Variants in TMPRSS3 observed in about 807,000 individuals in gnomAD.
TMPRSS3 encodes the protein transmembrane serine protease 3.
TMPRSS3 carries 55 observed loss-of-function variants against 59.6 expected under a neutral mutation model. That is an observed-to-expected ratio of 0.92 (90% CI 0.74 to 1.16). TMPRSS3 has a LOEUF of 1.16. Ranked by LOEUF, TMPRSS3 falls within the 50% of genes most tolerant of loss-of-function variation. The pLI is 0.00. For missense variants in TMPRSS3, 596 were observed against 579.4 expected (o/e 1.03, Z -0.29); for synonymous variants, 257 against 237.7 (o/e 1.08, Z -0.75).
chr21:42,383,491 T>A, intron 7 of TMPRSS3: 2 of 551,582 alleles, frequency 3.6e-6, no homozygotes, highest in Non-Finnish European at 6.6e-6. Flanking sequence ...CCCCCAGTGA[T>A]GACAACACCC....
chr21:42,395,195 G>C, intron 2 of TMPRSS3, 129 bp downstream of exon 2: 1 of 782,698 alleles, frequency 1.3e-6, no homozygotes, highest in Non-Finnish European at 2.2e-6. Flanking sequence ...CTAGGGAAGT[G>C]CAGGTGTCCA....
rs1446737150 is a variant in TMPRSS3 at position 42,395,442 on chromosome 21, A to ATCCGGC, written c.-31_-26dup. On this transcript the variant is annotated 5_prime_UTR_variant, in exon 2 of 13. It adds an upstream start codon to the 5' untranslated region. Transcript: ENST00000644384. Reference sequence around the variant, plus strand: ...TGGTGACTATTTCAGGACCTCTGACATCCGGCTCCGCCTCCACCTCTACCT... The same window carrying ATCCGGC: ...TGGTGACTATTTCAGGACCTCTGACATCCGGCTCCGGCTCCGCCTCCACCTCTACCT... The ATCCGGC allele has an allele frequency of 3.1e-6, 5 of 1,602,414 alleles. No homozygotes were observed. The highest frequency in any genetic ancestry group is 4.3e-6 in the Non-Finnish European group (5 of 1,169,422).
chr21:42,389,220 A>G, intron 3 of TMPRSS3, 175 bp from the exon 4 acceptor site: 1 of 1,372,406 alleles, frequency 7.3e-7, no homozygotes, highest in Non-Finnish European at 9.9e-7. Flanking sequence ...TTGAATTCCA[A>G]GGGGTGGGGC....
intron 2 of TMPRSS3, among the ~76,000 whole-genome samples, chr21:42,390,837 A>G (rs2052724138): frequency 1.3e-5 from 2 of 152,214 alleles, no homozygotes; most frequent in Admixed American, 1.3e-4. Flanking sequence ...AGATGAAGGC[A>G]GAGATGGGAA....
At position 42,395,203 on chromosome 21, in the gene TMPRSS3, C is replaced by A. The variant is rs1311422197; in HGVS notation, c.94+121G>T. ...TGCAGATCTAGGGAAGTGCAGGTGT[C>A]CAGCCTGTGGGTGTCAGAATGGCTG... On this transcript the variant is annotated intron_variant, in intron 2 of 12. Transcript: ENST00000644384. The A allele has an allele frequency of 4.8e-6, 4 of 838,056 alleles. No homozygotes were observed. In the East Asian group the frequency reaches 1.0e-4, roughly 22 times the overall value. 51.9% of individuals were successfully genotyped at this position (838,056 alleles called of 1,614,324 possible). A position where few individuals can be genotyped will look rare whatever the true frequency, so the allele number is the denominator to read the frequency against.
Position 42,383,744 on chromosome 21 carries a change from C to T in TMPRSS3, c.616+226G>A, listed in dbSNP as rs1411837811. ...ACATCATGGGCCTTGGTCCTGTCCG[C>T]TGCTAATGAGTTGCTCTGGCTGTCT... On this transcript the variant is annotated intron_variant, in intron 7 of 12. Coordinates refer to ENST00000644384, the MANE Select transcript of TMPRSS3 (RefSeq NM_001256317.3). The T allele has an allele frequency of 7.0e-6, 5 of 709,964 alleles. No homozygotes were observed. The Middle Eastern group carries it at 7.0e-4, about 100-fold the overall frequency. 44.0% of individuals were successfully genotyped at this position (709,964 alleles called of 1,614,324 possible).
intron 8 of TMPRSS3, 94 bp from the exon 9 acceptor site, chr21:42,382,328 G>A (rs777023553): frequency 1.7e-6 from 2 of 1,174,624 alleles, no homozygotes; most frequent in Non-Finnish European, 2.5e-6. Flanking sequence ...AAGATGGTGG[G>A]AGAGGTTATC....
intron 10 of TMPRSS3, among the ~76,000 whole-genome samples, chr21:42,379,739 A>G (rs534476405): frequency 3.9e-4 from 59 of 152,202 alleles, no homozygotes; most frequent in African/African-American, 1.4e-3. Context: ...AAAGTCCCAC[A>G]AGACAAAGAG....
rs115360790 is a variant in TMPRSS3 at position 42,388,116 on chromosome 21, C to A, written c.446+287G>T. Among the ~76,000 whole-genome samples the A allele has an allele frequency of 7.9e-3, 1,209 of 152,260 alleles. 21 individuals carry two copies. The highest frequency in any genetic ancestry group is 0.028 in the African/African-American group (1,149 of 41,560). On this transcript the variant is annotated intron_variant, in intron 5 of 12. Coordinates refer to ENST00000644384, the MANE Select transcript of TMPRSS3 (RefSeq NM_001256317.3). This position sits in a 1 kb window ranked among gnomAD's most constrained non-coding sequence, Gnocchi z 5.1. The stretch of plus-strand genomic sequence containing the variant: ...GGTTTTTTGGTTTTGTTTTTGTTTT[C>A]TACTTTGAAACTTTTTATTGCATGT...
intron 12 of TMPRSS3, among the ~76,000 whole-genome samples, chr21:42,375,356 C>A (rs2052406153): frequency 1.3e-5 from 2 of 150,830 alleles, no homozygotes; most frequent in Non-Finnish European, 3.0e-5. Context: ...CTGTCTCAGC[C>A]CCCCGCCCCC....
chr21:42,389,022 A>T lies in TMPRSS3; in HGVS notation c.229T>A (p.Tyr77Asn). ...CACTTAAAGGATGAGCGACATCTGT[A>T]CTTCCCTGAGCAGTCGAAGTGGACT... ...LGIHFDCSGK[Y>N]RCRSSFKCIE... Residue 77 changes from tyrosine (Y) to asparagine (N), a missense_variant, in exon 4 of 13, where the codon TAC (tyrosine) becomes AAC (asparagine). Tyr to Asn is a moderately radical substitution (Grantham distance 143). Transcript: ENST00000644384. 1 of 1,614,210 alleles carries T rather than the reference A, an allele frequency of 6.2e-7. No individual in the cohort carries two copies. The highest frequency in any genetic ancestry group is 1.1e-5 in the South Asian group (1 of 91,088).
At position 42,375,867 on chromosome 21, in the gene TMPRSS3, C is replaced by T. The variant is rs763663882; in HGVS notation, c.1193G>A (p.Gly398Glu). The change falls in exon 12 of 13, where the codon GGG becomes GAG. Residue 398 changes from glycine to glutamate, a missense_variant and splice_region_variant. Coordinates refer to ENST00000644384, the MANE Select transcript of TMPRSS3 (RefSeq NM_001256317.3). ...ACACACCAGGGGCCCCCCGCTGTCC[C>T]CCTGGGTGACAGGAAAGAAGCAAAG... Reference protein sequence around the residue: ...YLTGGVDSCQGDSGGPLVCQE... With the variant: ...YLTGGVDSCQEDSGGPLVCQE... 6.2e-7 allele frequency: 1 copy of T among 1,613,604 alleles called. No homozygotes were observed. The highest frequency in any genetic ancestry group is 8.5e-7 in the Non-Finnish European group (1 of 1,180,010).
intron 10 of TMPRSS3, among the ~76,000 whole-genome samples, chr21:42,378,354 G>T (rs1006697023): frequency 6.6e-6 from 1 of 152,174 alleles, no homozygotes; most frequent in East Asian, 1.9e-4. Flanking sequence ...TGAACTGTGG[G>T]CCCCTCCAAA....
At position 42,388,286 on chromosome 21, in the gene TMPRSS3, G is replaced by A. The variant is rs2052668327; in HGVS notation, c.446+117C>T. ...ATCGGGCATCCTAAGGTGGATGTGA[G>A]GATGTAATCTGAGAGCGTTAAAGCA... On this transcript the variant is annotated intron_variant, in intron 5 of 12. Transcript: ENST00000644384. The surrounding 1 kb of genome is among the most constrained non-coding windows in gnomAD (Gnocchi z 5.1). 1 of 1,380,948 alleles carries A rather than the reference G, an allele frequency of 7.2e-7. No homozygotes were observed. The highest frequency in any genetic ancestry group is 1.8e-5 in the Admixed American group (1 of 56,934). 85.5% of individuals were successfully genotyped at this position (1,380,948 alleles called of 1,614,324 possible).
At chr21:42,387,291 A>T (rs921736700) in intron 5 of TMPRSS3, among the ~76,000 whole-genome samples, 3 of 151,798 alleles carry the variant, frequency 2.0e-5, no homozygotes, top group African/African-American at 7.3e-5. Context: ...AGGCCCCCCA[A>T]CACCCCCCAC....
Position 42,382,621 on chromosome 21 carries a change from C to T in TMPRSS3, c.783-387G>A, listed in dbSNP as rs914190. The T allele has an allele frequency of 1.8e-3, 716 of 389,514 alleles. 7 individuals carry two copies. Among genetic ancestry groups the T allele is most frequent in the African/African-American group, 0.014 (661 of 48,852 alleles). The allele number at this position is 389,514 out of a possible 1,614,324, so 24.1% of individuals were successfully genotyped here. Reference sequence around the variant, plus strand: ...CTGTAGTTTTCTTGCACTCTAAACTCCTGAGATTTTAAGAAGAGACCCAGT... The same window carrying T: ...CTGTAGTTTTCTTGCACTCTAAACTTCTGAGATTTTAAGAAGAGACCCAGT... On this transcript the variant is annotated intron_variant, in intron 8 of 12. Coordinates refer to ENST00000644384, the MANE Select transcript of TMPRSS3 (RefSeq NM_001256317.3).
chr21:42,381,695 G>A (rs974297213), intron 9 of TMPRSS3, among the ~76,000 whole-genome samples: 1 of 152,166 alleles, frequency 6.6e-6, no homozygotes, highest in African/African-American at 2.4e-5. Context: ...TAAAATTATT[G>A]TTGGAACTAC....
intron 3 of TMPRSS3, chr21:42,389,246 T>C: frequency 9.7e-7 from 1 of 1,028,586 alleles, no homozygotes; most frequent in Non-Finnish European, 1.4e-6. Context: ...TGCCCCACTT[T>C]ATCTCGCTAT....
Position 42,395,963 on chromosome 21 carries a change from T to C in TMPRSS3, c.-73A>G, listed in dbSNP as rs774066728. On this transcript the variant is annotated 5_prime_UTR_variant, in exon 1 of 13. Coordinates refer to ENST00000644384, the MANE Select transcript of TMPRSS3 (RefSeq NM_001256317.3). The stretch of plus-strand genomic sequence containing the variant: ...TCACATAATTCCCGAGTCCCAAAAA[T>C]GTAGATGGCACCACGGAAGAGATAG... 5 of 518,880 alleles carry C rather than the reference T, an allele frequency of 9.6e-6. No homozygotes were observed. Among genetic ancestry groups the C allele is most frequent in the Admixed American group, 5.8e-5 (3 of 51,582 alleles). 32.1% of individuals were successfully genotyped at this position (518,880 alleles called of 1,614,324 possible).
Sources: allele counts gnomAD v4.1 joint callset (sites outside exome capture counted in the v4.1 genomes callset), GRCh38; gene constraint gnomAD v4.1.1; non-coding constraint Gnocchi (gnomAD v3.1); transcripts MANE v1.5; gene names NCBI Gene and HGNC (gene_info 2026-07-23, HGNC 2026-07-21).